SNTB1: variants seen among roughly 807,000 people sequenced by gnomAD.
The protein encoded by SNTB1 is beta-1-syntrophin.
A neutral mutation model predicts 48.9 loss-of-function variants in SNTB1; 36 were observed. That is an observed-to-expected ratio of 0.74 (90% CI 0.56 to 0.97). The LOEUF (loss-of-function observed/expected upper bound fraction) is 0.97, where lower values mean the gene tolerates loss of function less well. Ranked by LOEUF, SNTB1 falls within the 50% of genes least tolerant of loss-of-function variation. The pLI, the probability that SNTB1 is intolerant of heterozygous loss-of-function variation, is 0.00. For synonymous variants in SNTB1, 299 were observed against 294.6 expected (o/e 1.01, Z -0.15); for missense variants, 786 against 703.4 (o/e 1.12, Z -1.33).
chr8:120,754,154 C>T (rs896496799), intron 1 of SNTB1, among the ~76,000 whole-genome samples: 39 of 152,006 alleles, frequency 2.6e-4, no homozygotes, highest in African/African-American at 8.5e-4. Flanking sequence ...GAGAATAGAA[C>T]CTGAAAAATT....
chr8:120,537,828 A>G lies in SNTB1; in HGVS notation c.*1049T>C, dbSNP rs1815224290. 6.6e-6 allele frequency: 1 copy of G among 152,218 alleles called. No homozygotes were observed. The highest frequency in any genetic ancestry group is 1.5e-5 in the Non-Finnish European group (1 of 68,036). The allele number at this position is 152,218 out of a possible 1,614,324, so 9.4% of individuals were successfully genotyped here. ...TCTGAAAGAACTGCAGATACTGTCAATAGATTTGATTATAGCATTCAGTCT... is the reference window on the plus strand; with the variant it reads ...TCTGAAAGAACTGCAGATACTGTCAGTAGATTTGATTATAGCATTCAGTCT... On this transcript the variant is annotated 3_prime_UTR_variant, in exon 7 of 7. Transcript: ENST00000517992.
At chr8:120,694,261 C>T (rs6990640) in intron 1 of SNTB1, among the ~76,000 whole-genome samples, 39,316 of 151,880 alleles carry the variant, frequency 0.26, 5,534 homozygotes, top group Middle Eastern at 0.37. Flanking sequence ...CTAAAAGATA[C>T]GTTATTCAAT....
rs374859586 is a variant in SNTB1, at chr8:120,651,031, C to T, written c.789-18380G>A. 4.5e-4 allele frequency among the ~76,000 whole-genome samples: 69 copies of T among 152,230 alleles called. 1 individual carries two copies. The highest frequency in any genetic ancestry group is 3.5e-3 in the South Asian group (17 of 4,830). On this transcript the variant is annotated intron_variant, in intron 2 of 6. Transcript: ENST00000517992. ...TACTTGTCTATTGAGATTATTGAAA[C>T]GATGAAATGAAGTAACATGCATGAG...
At chr8:120,796,385 C>G (rs533210276) in intron 1 of SNTB1, among the ~76,000 whole-genome samples, 3 of 151,966 alleles carry the variant, frequency 2.0e-5, no homozygotes, top group Non-Finnish European at 4.4e-5. Flanking sequence ...GAAATAAGAT[C>G]GCATGTGAGG....
At chr8:120,698,630 A>G (rs1818250684) in intron 1 of SNTB1, among the ~76,000 whole-genome samples, 1 of 152,218 alleles carries the variant, frequency 6.6e-6, no homozygotes, top group African/African-American at 2.4e-5. Context: ...AAAATGGTCA[A>G]GATGGTCCTT....
At chr8:120,757,346 T>C (rs1309804562) in intron 1 of SNTB1, among the ~76,000 whole-genome samples, 2 of 152,038 alleles carry the variant, frequency 1.3e-5, no homozygotes, top group African/African-American at 4.8e-5. Context: ...GGGTGAGAGA[T>C]GGCAAGGTGA....
intron 1 of SNTB1, among the ~76,000 whole-genome samples, chr8:120,708,913 G>A (rs893115924): frequency 6.6e-6 from 1 of 152,114 alleles, no homozygotes; most frequent in Non-Finnish European, 1.5e-5. Context: ...TGAAAATCAG[G>A]ATGGAATTAA....
At chr8:120,739,977 A>G (rs4871108) in intron 1 of SNTB1, among the ~76,000 whole-genome samples, 3 of 152,080 alleles carry the variant, frequency 2.0e-5, no homozygotes, top group Non-Finnish European at 4.4e-5. Flanking sequence ...ACATGACCCC[A>G]TGTTCCTAGA....
At chr8:120,580,904 G>C (rs1448678587) in intron 3 of SNTB1, among the ~76,000 whole-genome samples, 1 of 151,942 alleles carries the variant, frequency 6.6e-6, no homozygotes, top group Non-Finnish European at 1.5e-5. Flanking sequence ...ACAATCCCCA[G>C]GACCCAGGAA....
At chr8:120,807,477 A>G (rs905420907) in intron 1 of SNTB1, among the ~76,000 whole-genome samples, 20 of 152,228 alleles carry the variant, frequency 1.3e-4, no homozygotes, top group Admixed American at 2.0e-4. Flanking sequence ...TGTGATGTGA[A>G]GATTCCTGAT....
chr8:120,643,483 C>T (rs1047499976), intron 2 of SNTB1, among the ~76,000 whole-genome samples: 2 of 152,198 alleles, frequency 1.3e-5, no homozygotes, highest in Admixed American at 6.5e-5. Context: ...TTTGCATTCT[C>T]ATAGCTTAGT....
intron 1 of SNTB1, among the ~76,000 whole-genome samples, chr8:120,709,925 G>A (rs1452781098): frequency 3.3e-5 from 5 of 151,662 alleles, no homozygotes; most frequent in Non-Finnish European, 7.4e-5. Flanking sequence ...AAAAAAAAAA[G>A]GTATGCCATA....
In SNTB1 at chr8:120,782,603, T is replaced by TAC. The variant is rs920468009; in HGVS notation, c.571+28668_571+28669dup. Among the ~76,000 whole-genome samples, 729 of 152,002 alleles carry TAC rather than the reference T, an allele frequency of 4.8e-3. 8 individuals are homozygous for TAC. The highest frequency in any genetic ancestry group is 0.017 in the African/African-American group (706 of 41,478). On this transcript the variant is annotated intron_variant, in intron 1 of 6. Coordinates refer to ENST00000517992, the MANE Select transcript of SNTB1 (RefSeq NM_021021.4). ...GCATAAATATGTATACATACATACC[T>TAC]ACACACACACACATATATATGTAAA...
At chr8:120,578,461 G>A (rs996774762) in intron 3 of SNTB1, among the ~76,000 whole-genome samples, 1 of 152,092 alleles carries the variant, frequency 6.6e-6, no homozygotes, top group Admixed American at 6.5e-5. Flanking sequence ...ATATGAATAC[G>A]ACAGTTTTGG....
intron 2 of SNTB1, among the ~76,000 whole-genome samples, chr8:120,652,794 T>C (rs4492419): frequency 0.37 from 56,225 of 151,756 alleles, 12,145 homozygotes; most frequent in Non-Finnish European, 0.49. Context: ...TTGTCACTTA[T>C]GTTTTTAGCA....
In SNTB1 at chr8:120,538,453, G is replaced by T. The variant is rs981476459; in HGVS notation, c.*424C>A. The T allele has an allele frequency of 4.6e-5, 12 of 259,964 alleles. No individual in the cohort carries two copies. Among genetic ancestry groups the T allele is most frequent in the African/African-American group, 2.4e-4 (11 of 45,932 alleles). The allele number at this position is 259,964 out of a possible 1,614,324, so 16.1% of individuals were successfully genotyped here. A position where few individuals can be genotyped will look rare whatever the true frequency, so the allele number is the denominator to read the frequency against. ...AAGAAAAGGGATCACTGTTACTGGG[G>T]ATAGGGGGCTAGGAGGAGTAGGTAA... On this transcript the variant is annotated 3_prime_UTR_variant, in exon 7 of 7. Coordinates refer to ENST00000517992, the MANE Select transcript of SNTB1 (RefSeq NM_021021.4).
chr8:120,556,544 G>C (rs1815570433), intron 4 of SNTB1, among the ~76,000 whole-genome samples: 2 of 152,052 alleles, frequency 1.3e-5, no homozygotes, highest in South Asian at 4.2e-4. Flanking sequence ...AATAAGTTGG[G>C]GATGAAACAT....
At chr8:120,588,395 C>CA (rs796498444) in intron 3 of SNTB1, among the ~76,000 whole-genome samples, 3,138 of 125,024 alleles carry the variant, frequency 0.025, 107 homozygotes, top group Admixed American at 0.1. Context: ...ACCAACCAAA[C>CA]AAAAAAAAAA....
At chr8:120,548,669 G>C in intron 5 of SNTB1, 93 bp downstream of exon 5, 1 of 1,093,000 alleles carries the variant, frequency 9.1e-7, no homozygotes, top group South Asian at 1.4e-5. Flanking sequence ...TATCCCCAGA[G>C]GCCAGTGATG....
Sources: allele counts gnomAD v4.1 joint callset (sites outside exome capture counted in the v4.1 genomes callset), GRCh38; gene constraint gnomAD v4.1.1; transcripts MANE v1.5; gene names NCBI Gene and HGNC (gene_info 2026-07-23, HGNC 2026-07-21).